Variants in BRD4 observed in about 807,000 individuals in gnomAD.
BRD4 encodes bromodomain containing 4, also known as bromodomain-containing protein 4.
In BRD4, 16 loss-of-function variants were observed where a neutral mutation model predicts 142.1. The observed-to-expected ratio is 0.11, with a 90% CI of 0.08 to 0.17. The LOEUF is 0.17. BRD4 is among the 10% of genes least tolerant of loss of function. The probability of loss-of-function intolerance (pLI) is 1.00; values close to 1 mark genes in which losing one functional copy is unlikely to be tolerated. For missense variants in BRD4, 1,424 were observed against 1,810.9 expected (o/e 0.79, Z 3.88); for synonymous variants, 833 against 707.5 (o/e 1.18, Z -2.82).
intron 1 of BRD4, among the ~76,000 whole-genome samples, chr19:15,317,033 C>T (rs561757303): frequency 6.6e-6 from 1 of 152,324 alleles, no homozygotes; most frequent in East Asian, 1.9e-4. Context: ...TCCAAACCAT[C>T]TGAGTTCACT....
At chr19:15,279,781 G>A (rs545451578) in intron 1 of BRD4, among the ~76,000 whole-genome samples, 1 of 152,176 alleles carries the variant, frequency 6.6e-6, no homozygotes, top group African/African-American at 2.4e-5. Flanking sequence ...CAATGGGTTG[G>A]GACCAGCTAT....
chr19:15,272,351 C>T (rs1053072690), intron 2 of BRD4, among the ~76,000 whole-genome samples: 4 of 152,198 alleles, frequency 2.6e-5, no homozygotes, highest in Admixed American at 6.5e-5. Flanking sequence ...CTTTCCCCAC[C>T]GTGTGCTCCG....
chr19:15,236,859 T>C lies in BRD4; in HGVS notation c.*1518A>G. 5.2e-6 allele frequency: 1 copy of C among 190,730 alleles called. No individual in the cohort carries two copies. Among genetic ancestry groups the C allele is most frequent in the Non-Finnish European group, 1.1e-5 (1 of 91,006 alleles). The allele number at this position is 190,730 out of a possible 1,614,324, so 11.8% of individuals were successfully genotyped here. ...AGCATTAAAAAAAGAGAGATGTGTTTATTCCATGATCAGTACAGACCAAAT... is the reference window on the plus strand; with the variant it reads ...AGCATTAAAAAAAGAGAGATGTGTTCATTCCATGATCAGTACAGACCAAAT... On this transcript the variant is annotated 3_prime_UTR_variant, in exon 20 of 20. Transcript: ENST00000679869.
intron 13 of BRD4, among the ~76,000 whole-genome samples, chr19:15,243,998 C>T (rs1013118476): frequency 6.6e-6 from 1 of 152,196 alleles, no homozygotes; most frequent in African/African-American, 2.4e-5. Flanking sequence ...CAAATGATGT[C>T]AGTGTTTTAG....
intron 1 of BRD4, among the ~76,000 whole-genome samples, chr19:15,302,367 C>A (rs906370648): frequency 1.3e-5 from 2 of 152,160 alleles, no homozygotes; most frequent in African/African-American, 4.8e-5. Flanking sequence ...TCCATGCTAA[C>A]CTGGGGGACT....
chr19:15,243,101 G>T lies in BRD4; in HGVS notation c.2968C>A (p.His990Asn). ...TGCACGGGCCGTGGAGGGGGCTGAT[G>T]CTGCTGCTGGGGTGGAGGCTGGGGC... ...PQPQPPPQQQ[H>N]QPPPRPVHLQ... The change falls in exon 14 of 20, where the codon CAT (histidine) becomes AAT (asparagine). Residue 990 changes from histidine to asparagine, a missense_variant. His to Asn is a moderately conservative substitution (Grantham distance 68, BLOSUM62 1). Transcript: ENST00000679869. 1 of 1,483,576 alleles carries T rather than the reference G, an allele frequency of 6.7e-7. No individual in the cohort carries two copies. The allele number at this position is 1,483,576 out of a possible 1,614,324, so 91.9% of individuals were successfully genotyped here.
chr19:15,250,138 C>G (rs578030628), intron 11 of BRD4, among the ~76,000 whole-genome samples: 1 of 152,170 alleles, frequency 6.6e-6, no homozygotes, highest in Admixed American at 6.5e-5. Context: ...AACCCGCCCA[C>G]TGGCGGCCTC....
chr19:15,303,579 G>A (rs1020861060), intron 1 of BRD4, among the ~76,000 whole-genome samples: 5 of 152,120 alleles, frequency 3.3e-5, no homozygotes, highest in African/African-American at 4.8e-5. Context: ...ACAATAAAAT[G>A]CAATACAACA....
chr19:15,291,730 T>C (rs1020231078), intron 1 of BRD4, among the ~76,000 whole-genome samples: 3 of 152,236 alleles, frequency 2.0e-5, no homozygotes, highest in Admixed American at 1.3e-4. Context: ...ATAGCATCTT[T>C]ATACTATCAT....
At position 15,238,376 on chromosome 19, in the gene BRD4, C is replaced by T; in HGVS notation, c.*1G>A. ...CAAAGTCAGAAGCCACCTAGGTGCG[C>T]TCAGAAAAGATTTTCTTCAAATATT... On this transcript the variant is annotated 3_prime_UTR_variant, in exon 20 of 20. Transcript: ENST00000679869. The surrounding 1 kb of genome is among the most constrained non-coding windows in gnomAD (Gnocchi z 7.2). 4 of 1,614,104 alleles carry T rather than the reference C, an allele frequency of 2.5e-6. No individual in the cohort carries two copies. Among genetic ancestry groups the T allele is most frequent in the Non-Finnish European group, 3.4e-6 (4 of 1,179,974 alleles).
At chr19:15,248,855 A>T (rs1024523596) in intron 11 of BRD4, 1 of 311,266 alleles carries the variant, frequency 3.2e-6, no homozygotes, top group African/African-American at 2.1e-5. Flanking sequence ...GGAGGGAAGT[A>T]GTTAGGGTCC....
chr19:15,315,932 G>A (rs2145721037), intron 1 of BRD4, among the ~76,000 whole-genome samples: 1 of 150,684 alleles, frequency 6.6e-6, no homozygotes, highest in South Asian at 2.1e-4. Flanking sequence ...GAGGCGGGCG[G>A]ATCACGAGGT....
intron 1 of BRD4, among the ~76,000 whole-genome samples, chr19:15,285,349 A>G (rs1273514629): frequency 6.6e-6 from 1 of 152,266 alleles, no homozygotes; most frequent in African/African-American, 2.4e-5. Flanking sequence ...GTTCAGGCCC[A>G]GCCTGGGCAA....
chr19:15,309,625 GTAT>G (rs1211193560), intron 1 of BRD4, among the ~76,000 whole-genome samples: 1 of 152,168 alleles, frequency 6.6e-6, no homozygotes, highest in African/African-American at 2.4e-5. Context: ...ACTCACAGAG[GTAT>G]TATTCATAAG....
chr19:15,263,304 G>T, intron 7 of BRD4, 116 bp downstream of exon 7: 3 of 1,290,552 alleles, frequency 2.3e-6, no homozygotes, highest in Non-Finnish European at 3.2e-6. Flanking sequence ...AAGCAACATG[G>T]CATTATCCCA....
In BRD4 at chr19:15,263,411, A is replaced by C. The variant is rs199799870; in HGVS notation, c.1341+9T>G. 8.1e-6 allele frequency: 13 copies of C among 1,613,234 alleles called. No individual in the cohort carries two copies. In the African/African-American group the frequency reaches 1.6e-4, roughly 20 times the overall value. On this transcript the variant is annotated intron_variant, in intron 7 of 19. Coordinates refer to ENST00000679869, the MANE Select transcript of BRD4 (RefSeq NM_001379291.1). ...CTGCTGAGGGTGGCTGCGCCCTCCC[A>C]AGCCTCACCTGGAGCTTGCGGGCCA...
At chr19:15,279,480 C>T (rs199507760) in intron 1 of BRD4, among the ~76,000 whole-genome samples, 10 of 152,170 alleles carry the variant, frequency 6.6e-5, no homozygotes, top group South Asian at 4.1e-4. Flanking sequence ...CTCCATCGCC[C>T]GTCCCAATTA....
At chr19:15,249,021 G>C (rs1358812193) in intron 11 of BRD4, 5 of 568,266 alleles carry the variant, frequency 8.8e-6, no homozygotes, top group Non-Finnish European at 1.6e-5. Context: ...AACCAGGAAG[G>C]CTGGGCAGGA....
chr19:15,239,385 T>C lies in BRD4; in HGVS notation c.3576+7A>G. On this transcript the variant is annotated splice_region_variant and intron_variant, in intron 17 of 19. Coordinates refer to ENST00000679869, the MANE Select transcript of BRD4 (RefSeq NM_001379291.1). The surrounding 1 kb of genome is among the most constrained non-coding windows in gnomAD (Gnocchi z 7.4). ...GGCAAGCGACACCCATGGACCTCCA[T>C]CCCAACCTTTTTGGGCGCAACTGGA... The C allele has an allele frequency of 6.2e-7, 1 of 1,614,170 alleles. No individual in the cohort carries two copies. Among genetic ancestry groups the C allele is most frequent in the Non-Finnish European group, 8.5e-7 (1 of 1,180,034 alleles).
Sources: allele counts gnomAD v4.1 joint callset (sites outside exome capture counted in the v4.1 genomes callset), GRCh38; gene constraint gnomAD v4.1.1; non-coding constraint Gnocchi (gnomAD v3.1); transcripts MANE v1.5; gene names NCBI Gene and HGNC (gene_info 2026-07-23, HGNC 2026-07-21).